The following ARFIP1 variants were observed in gnomAD, a reference collection of about 807,000 sequenced individuals.
ARFIP1 encodes the protein arfaptin-1.
ARFIP1 carries 24 observed loss-of-function variants against 42.5 expected under a neutral mutation model. That is an observed-to-expected ratio of 0.57 (90% CI 0.41 to 0.80). The LOEUF (loss-of-function observed/expected upper bound fraction) is 0.80, where lower values mean the gene tolerates loss of function less well. Among genes scored for constraint, ARFIP1 ranks in the 30% least tolerant of loss-of-function variants. The pLI is 0.00. For synonymous variants in ARFIP1, 141 were observed against 153.7 expected (o/e 0.92, Z 0.61); for missense variants, 354 against 434.0 (o/e 0.82, Z 1.64).
intron 2 of ARFIP1, among the ~76,000 whole-genome samples, chr4:152,837,063 A>C (rs980695415): frequency 4.6e-5 from 7 of 152,102 alleles, no homozygotes; most frequent in Non-Finnish European, 8.8e-5. Context: ...CGTCATTTAG[A>C]ATAGTAGTCT....
At chr4:152,798,424 T>C (rs1190677813) in intron 1 of ARFIP1, among the ~76,000 whole-genome samples, 1 of 152,228 alleles carries the variant, frequency 6.6e-6, no homozygotes, top group Non-Finnish European at 1.5e-5. Flanking sequence ...CTTGTTTCTT[T>C]GAGTGTTGGG....
intron 1 of ARFIP1, among the ~76,000 whole-genome samples, chr4:152,804,223 A>AACATGTATTATATATAATATATAACG (rs1728735175): frequency 8.4e-6 from 1 of 118,982 alleles, no homozygotes; most frequent in Non-Finnish European, 1.6e-5. Context: ...TATATATAAT[A>AACATGTATTATATATAATATATAACG]TAACATGTAT....
intron 1 of ARFIP1, among the ~76,000 whole-genome samples, chr4:152,824,042 G>A (rs375724235): frequency 6.6e-6 from 1 of 152,094 alleles, no homozygotes; most frequent in Non-Finnish European, 1.5e-5. Flanking sequence ...GCCAGGTGCA[G>A]TGTCTCCCGC....
intron 1 of ARFIP1, among the ~76,000 whole-genome samples, chr4:152,794,594 C>T (rs1051391462): frequency 1.3e-4 from 20 of 152,242 alleles, no homozygotes; most frequent in African/African-American, 4.6e-4. Flanking sequence ...GTTGGAGCTA[C>T]GTGGAGACTG....
At chr4:152,816,645 T>C (rs79028052) in intron 1 of ARFIP1, among the ~76,000 whole-genome samples, 101 of 152,354 alleles carry the variant, frequency 6.6e-4, no homozygotes, top group African/African-American at 2.3e-3. Context: ...CCAACTAGAA[T>C]GTAAGCTCTA....
At chr4:152,804,100 TTA>T (rs1728676761) in intron 1 of ARFIP1, among the ~76,000 whole-genome samples, 1 of 115,976 alleles carries the variant, frequency 8.6e-6, no homozygotes, top group Non-Finnish European at 1.7e-5. Context: ...GTAATATATA[TTA>T]TATATAATAT....
At chr4:152,816,310 G>C (rs754082017) in intron 1 of ARFIP1, among the ~76,000 whole-genome samples, 2 of 152,166 alleles carry the variant, frequency 1.3e-5, no homozygotes, top group Non-Finnish European at 2.9e-5. Flanking sequence ...AGTCACACAC[G>C]TTCTTGCCAC....
In ARFIP1 at chr4:152,804,128, TTA is replaced by T. The variant is rs1197955835; in HGVS notation, c.-10+23909_-10+23910del. Among the ~76,000 whole-genome samples the T allele has an allele frequency of 7.3e-5, 9 of 122,872 alleles. No individual in the cohort carries two copies. In the East Asian group the frequency reaches 1.7e-3, roughly 24 times the overall value. 80.6% of individuals were successfully genotyped at this position (122,872 alleles called of 152,430 possible). ...TATATAATATAACATGTATTATATA[TTA>T]TATATAATATAACATGTATTATATA... On this transcript the variant is annotated intron_variant, in intron 1 of 8. Coordinates refer to ENST00000353617, the MANE Select transcript of ARFIP1 (RefSeq NM_001025595.3).
chr4:152,836,848 G>A (rs1216823381), intron 2 of ARFIP1, among the ~76,000 whole-genome samples: 1 of 152,016 alleles, frequency 6.6e-6, no homozygotes, highest in Non-Finnish European at 1.5e-5. Flanking sequence ...ACATGAATAA[G>A]TTCTTTAGTG....
intron 2 of ARFIP1, among the ~76,000 whole-genome samples, chr4:152,834,414 A>G (rs1366585275): frequency 6.6e-6 from 1 of 152,168 alleles, no homozygotes; most frequent in African/African-American, 2.4e-5. Context: ...TCTTCCACCT[A>G]TGAGTGTGCG....
At chr4:152,799,561 G>A (rs1247555846) in intron 1 of ARFIP1, among the ~76,000 whole-genome samples, 2 of 152,240 alleles carry the variant, frequency 1.3e-5, no homozygotes, top group African/African-American at 2.4e-5. Context: ...TGCACAATAT[G>A]TATTCCTTGC....
intron 1 of ARFIP1, among the ~76,000 whole-genome samples, chr4:152,788,085 T>G (rs1323434485): frequency 6.6e-6 from 1 of 151,920 alleles, no homozygotes; most frequent in Non-Finnish European, 1.5e-5. Flanking sequence ...ATATACAGAT[T>G]AGCTGGGCGT....
intron 1 of ARFIP1, among the ~76,000 whole-genome samples, chr4:152,803,949 CTGAA>C (rs1234725689): frequency 7.3e-6 from 1 of 137,866 alleles, no homozygotes; most frequent in Non-Finnish European, 1.5e-5. Flanking sequence ...ATATAAATGT[CTGAA>C]TGTGTATATA....
chr4:152,869,812 T>C (rs1001464669), intron 3 of ARFIP1, among the ~76,000 whole-genome samples: 4 of 152,200 alleles, frequency 2.6e-5, no homozygotes, highest in Admixed American at 2.0e-4. Flanking sequence ...TATCATGTGG[T>C]AGATAGAGCC....
chr4:152,798,094 C>T (rs1056498167), intron 1 of ARFIP1, among the ~76,000 whole-genome samples: 5 of 152,012 alleles, frequency 3.3e-5, no homozygotes, highest in East Asian at 1.9e-4. Flanking sequence ...TCTGTCTCTA[C>T]AAAAAATTAG....
At chr4:152,821,921 G>A (rs939991560) in intron 1 of ARFIP1, among the ~76,000 whole-genome samples, 2 of 152,160 alleles carry the variant, frequency 1.3e-5, no homozygotes, top group African/African-American at 4.8e-5. Flanking sequence ...AATGCCAAGG[G>A]AATTTGTCAA....
intron 2 of ARFIP1, among the ~76,000 whole-genome samples, chr4:152,847,124 C>CTTTGTTTTTTTTTTTTTTTTTT (rs1732601294): frequency 2.5e-5 from 1 of 40,584 alleles, no homozygotes; most frequent in Non-Finnish European, 4.5e-5. Context: ...TAGGTTTGTT[C>CTTTGTTTTTTTTTTTTTTTTTT]TTTTTTTTTT....
chr4:152,796,027 G>T, intron 1 of ARFIP1: 1 of 661,278 alleles, frequency 1.5e-6, no homozygotes. Flanking sequence ...TTTTCAGTTG[G>T]TGTGTAGTGC....
At chr4:152,886,506 C>G (rs914919980) in intron 7 of ARFIP1, among the ~76,000 whole-genome samples, 1 of 151,968 alleles carries the variant, frequency 6.6e-6, no homozygotes, top group Non-Finnish European at 1.5e-5. Context: ...TCTTCAGAAT[C>G]AGAGTATCCT....
Sources: allele counts gnomAD v4.1 joint callset (sites outside exome capture counted in the v4.1 genomes callset), GRCh38; gene constraint gnomAD v4.1.1; transcripts MANE v1.5; gene names NCBI Gene and HGNC (gene_info 2026-07-23, HGNC 2026-07-21).